Variants in DCAF8L2 observed in about 807,000 individuals in gnomAD.
The protein encoded by DCAF8L2 is DDB1- and CUL4-associated factor 8-like protein 2.
For missense variants in DCAF8L2, 430 were observed against 490.7 expected (o/e 0.88, Z 1.17); for synonymous variants, 200 against 190.9 (o/e 1.05, Z -0.39).
the DCAF8L2 span, among the ~76,000 whole-genome samples, chrX:27,507,794 G>T: frequency 6.3e-5 from 7 of 111,152 alleles, no homozygotes; most frequent in Admixed American, 9.7e-5. Flanking sequence ...AAAGTTCAGA[G>T]TATTAAAAAA....
chrX:27,712,783 C>T (rs1182178136), intron 3 of DCAF8L2: 1 of 111,904 alleles, frequency 8.9e-6, no homozygotes, highest in Non-Finnish European at 1.9e-5. Flanking sequence ...ATGTTTATAG[C>T]TCATATTTGT....
At chrX:27,484,828 G>A in the DCAF8L2 span, among the ~76,000 whole-genome samples, 2 of 111,320 alleles carry the variant, frequency 1.8e-5, no homozygotes, top group East Asian at 5.7e-4. Flanking sequence ...ATACAAGGCG[G>A]CAGGGGAGAA....
the DCAF8L2 span, among the ~76,000 whole-genome samples, chrX:27,509,492 A>G: frequency 2.7e-5 from 3 of 112,503 alleles, no homozygotes; most frequent in Admixed American, 9.5e-5. Flanking sequence ...AATAGTGACT[A>G]TAATTCTACA....
chrX:27,552,880 A>T, the DCAF8L2 span, among the ~76,000 whole-genome samples: 2 of 112,087 alleles, frequency 1.8e-5, no homozygotes, highest in African/African-American at 3.2e-5. Context: ...AGATGTTTTA[A>T]TAATATTAAT....
intron 2 of DCAF8L2, among the ~76,000 whole-genome samples, chrX:27,647,279 GC>G (rs1354616107): frequency 8.9e-6 from 1 of 111,970 alleles, no homozygotes; most frequent in East Asian, 2.8e-4. Flanking sequence ...GAAGCTGGAA[GC>G]CATTATCTTC....
At chrX:27,481,480 T>C in the DCAF8L2 span, among the ~76,000 whole-genome samples, 2 of 111,826 alleles carry the variant, frequency 1.8e-5, no homozygotes, top group South Asian at 3.7e-4. Context: ...CAGATGTGTG[T>C]ATTTTTAAAT....
chrX:27,611,431 A>G (rs1172671606), intron 1 of DCAF8L2, among the ~76,000 whole-genome samples: 1 of 109,300 alleles, frequency 9.1e-6, no homozygotes, highest in East Asian at 2.9e-4. Context: ...CATTTTTGCA[A>G]TCTACCCATC....
At chrX:27,503,657 A>C in the DCAF8L2 span, among the ~76,000 whole-genome samples, 1 of 110,839 alleles carries the variant, frequency 9.0e-6, no homozygotes, top group Non-Finnish European at 1.9e-5. Context: ...CTATGTGTCT[A>C]TCTCTCTCAA....
At chrX:27,505,900 T>G in the DCAF8L2 span, among the ~76,000 whole-genome samples, 1 of 111,999 alleles carries the variant, frequency 8.9e-6, no homozygotes, top group South Asian at 3.7e-4. Context: ...AAGTTTGGGG[T>G]AATTTGTCAC....
the DCAF8L2 span, among the ~76,000 whole-genome samples, chrX:27,584,506 TA>T: frequency 9.4e-6 from 1 of 106,836 alleles, no homozygotes; most frequent in Non-Finnish European, 1.9e-5. Flanking sequence ...ATCCCATATT[TA>T]AAAAAAACAC....
chrX:27,721,267 A>G (rs1931891989), intron 4 of DCAF8L2, among the ~76,000 whole-genome samples: 1 of 111,819 alleles, frequency 8.9e-6, no homozygotes, highest in Admixed American at 9.6e-5. Context: ...AGCTAATCCA[A>G]TTTAAGAAAA....
At chrX:27,587,985 A>AAAAAT, upstream of DCAF8L2, among the ~76,000 whole-genome samples, 55 of 22,349 alleles carry the variant, frequency 2.5e-3, 1 homozygote, top group African/African-American at 4.9e-3. Flanking sequence ...TAAAAAAAAA[A>AAAAAT]ATATATATAT....
At chrX:27,736,586 A>G (rs746974712) in intron 4 of DCAF8L2, among the ~76,000 whole-genome samples, 23 of 112,411 alleles carry the variant, frequency 2.0e-4, no homozygotes, top group Non-Finnish European at 3.8e-4. Flanking sequence ...GTTCAAATTT[A>G]ATTAATTTCC....
intron 2 of DCAF8L2, among the ~76,000 whole-genome samples, chrX:27,668,825 C>CAT (rs1929835671): frequency 2.7e-5 from 3 of 110,336 alleles, no homozygotes; most frequent in South Asian, 3.9e-4. Context: ...TGGTGGTGGG[C>CAT]GCCTGTAATC....
At chrX:27,615,745 G>T (rs905103679) in intron 1 of DCAF8L2, among the ~76,000 whole-genome samples, 1 of 110,999 alleles carries the variant, frequency 9.0e-6, no homozygotes, top group Non-Finnish European at 1.9e-5. Context: ...GTGAAACATA[G>T]ATCAGAGGAG....
At chrX:27,641,393 T>C (rs1928711409) in intron 2 of DCAF8L2, among the ~76,000 whole-genome samples, 1 of 111,503 alleles carries the variant, frequency 9.0e-6, no homozygotes, top group African/African-American at 3.2e-5. Flanking sequence ...ATTGCTCCAC[T>C]GTCTTCTTAT....
intron 1 of DCAF8L2, among the ~76,000 whole-genome samples, chrX:27,630,905 T>C (rs6628289): frequency 0.18 from 20,117 of 110,968 alleles, 1,458 homozygotes; most frequent in East Asian, 0.4. Context: ...GTCTCTGGTG[T>C]CTCTTTTATA....
chrX:27,722,644 CTGTG>C (rs1055167161), intron 4 of DCAF8L2, among the ~76,000 whole-genome samples: 1 of 109,856 alleles, frequency 9.1e-6, no homozygotes, highest in Non-Finnish European at 1.9e-5. Flanking sequence ...TGAGGATTGT[CTGTG>C]TGTGTGTGTA....
chrX:27,586,303 G>A (rs1465174775), upstream of DCAF8L2, among the ~76,000 whole-genome samples: 1 of 111,333 alleles, frequency 9.0e-6, no homozygotes, highest in African/African-American at 3.3e-5. Context: ...TACTGCAACT[G>A]GGTCATAGGT....
Sources: allele counts gnomAD v4.1 joint callset (sites outside exome capture counted in the v4.1 genomes callset), GRCh38; gene constraint gnomAD v4.1.1; transcripts MANE v1.5; gene names NCBI Gene and HGNC (gene_info 2026-07-23, HGNC 2026-07-21).